SGK3: variants seen among roughly 807,000 people sequenced by gnomAD.
The protein encoded by SGK3 is serine/threonine-protein kinase Sgk3.
A neutral mutation model predicts 68.5 loss-of-function variants in SGK3; 47 were observed. The ratio of observed to expected loss-of-function variants is 0.69; its 90% confidence interval spans 0.54 to 0.87. The LOEUF is 0.87. SGK3 is among the 40% of genes least tolerant of loss of function. The pLI, the probability that SGK3 is intolerant of heterozygous loss-of-function variation, is 0.00. For synonymous variants in SGK3, 181 were observed against 189.1 expected (o/e 0.96, Z 0.35); for missense variants, 479 against 575.5 (o/e 0.83, Z 1.72).
intron 5 of SGK3, among the ~76,000 whole-genome samples, chr8:66,819,561 A>G (rs1171374805): frequency 6.6e-6 from 1 of 152,220 alleles, no homozygotes; most frequent in Non-Finnish European, 1.5e-5. Context: ...AGTTTTTAAC[A>G]AGATGGGGAA....
intron 1 of SGK3, among the ~76,000 whole-genome samples, chr8:66,719,440 C>T (rs1313116977): frequency 1.3e-5 from 2 of 152,120 alleles, no homozygotes; most frequent in Non-Finnish European, 2.9e-5. Flanking sequence ...AATCCTCCTG[C>T]CTTGGCCTCC....
At chr8:66,715,705 A>C (rs944195517) in intron 1 of SGK3, among the ~76,000 whole-genome samples, 1 of 152,194 alleles carries the variant, frequency 6.6e-6, no homozygotes, top group African/African-American at 2.4e-5. Context: ...ACACACACAA[A>C]ATTCCTCAAC....
Position 66,806,300 on chromosome 8 carries a change from T to C in SGK3, c.253+1853T>C, listed in dbSNP as rs575554979. On this transcript the variant is annotated intron_variant, in intron 4 of 16. Coordinates refer to ENST00000521198, the MANE Select transcript of SGK3 (RefSeq NM_001033578.3). ...GAAGGTGCAGACTTATGTCTTTTTT[T>C]ATTGGCGAACAGTGGCAATATACTG... is the stretch of plus-strand genomic sequence containing the variant. Among the ~76,000 whole-genome samples, 13 of 152,344 alleles carry C rather than the reference T, an allele frequency of 8.5e-5. No individual in the cohort carries two copies. The South Asian group carries it at 2.7e-3, about 32-fold the overall frequency.
intron 2 of SGK3, among the ~76,000 whole-genome samples, chr8:66,796,319 G>GTTTTTTT (rs1427904115): frequency 6.9e-5 from 1 of 14,416 alleles, no homozygotes; most frequent in Non-Finnish European, 1.6e-4. Context: ...TGTATTTTTT[G>GTTTTTTT]TATTTTTTTT....
intron 6 of SGK3, among the ~76,000 whole-genome samples, chr8:66,827,165 T>C (rs1333880192): frequency 1.3e-5 from 2 of 151,482 alleles, no homozygotes; most frequent in Non-Finnish European, 2.9e-5. Flanking sequence ...GTGGATCATC[T>C]GAGGTCAGGA....
At chr8:66,809,906 G>A (rs1808311641) in intron 4 of SGK3, among the ~76,000 whole-genome samples, 1 of 152,104 alleles carries the variant, frequency 6.6e-6, no homozygotes, top group African/African-American at 2.4e-5. Context: ...CTTCTTAAGG[G>A]GCTTTGCGTG....
At chr8:66,813,034 G>C (rs1808441263) in intron 4 of SGK3, among the ~76,000 whole-genome samples, 2 of 152,158 alleles carry the variant, frequency 1.3e-5, no homozygotes, top group South Asian at 4.1e-4. Flanking sequence ...AGGGTGGATT[G>C]CTTGAGCCCA....
chr8:66,722,283 CTTGTTTTTT>C (rs1398157783), intron 1 of SGK3, among the ~76,000 whole-genome samples: 9 of 152,014 alleles, frequency 5.9e-5, no homozygotes, highest in Admixed American at 5.9e-4. Context: ...TTTTGTTTTT[CTTGTTTTTT>C]GTTTTCTTGA....
At chr8:66,777,301 C>T (rs1054357777) in intron 1 of SGK3, among the ~76,000 whole-genome samples, 2 of 152,152 alleles carry the variant, frequency 1.3e-5, no homozygotes, top group Non-Finnish European at 1.5e-5. Context: ...GACATGAGAG[C>T]GTAAGTTCCA....
At chr8:66,796,283 C>A (rs1307606038) in intron 2 of SGK3, among the ~76,000 whole-genome samples, 1 of 145,976 alleles carries the variant, frequency 6.9e-6, no homozygotes, top group Non-Finnish European at 1.5e-5. Context: ...ACTACAGATG[C>A]ATGCCACCAC....
chr8:66,777,038 T>C (rs1266864503), intron 1 of SGK3, among the ~76,000 whole-genome samples: 1 of 152,204 alleles, frequency 6.6e-6, no homozygotes, highest in Non-Finnish European at 1.5e-5. Flanking sequence ...GAACCCTGAA[T>C]GCTCACCCAA....
intron 1 of SGK3, among the ~76,000 whole-genome samples, chr8:66,768,472 T>G (rs1037305415): frequency 2.0e-5 from 3 of 152,124 alleles, no homozygotes; most frequent in Non-Finnish European, 4.4e-5. Flanking sequence ...ATATCTTTGA[T>G]TTTGAAGGAT....
chr8:66,849,989 A>G (rs1321524220), intron 15 of SGK3, among the ~76,000 whole-genome samples: 1 of 152,234 alleles, frequency 6.6e-6, no homozygotes, highest in East Asian at 1.9e-4. Context: ...ATGGCTTCTT[A>G]TGACCCTAGA....
chr8:66,772,586 A>G (rs1806547070), intron 1 of SGK3, among the ~76,000 whole-genome samples: 1 of 140,386 alleles, frequency 7.1e-6, no homozygotes, highest in Non-Finnish European at 1.5e-5. Context: ...TTTGAGACAG[A>G]GTCTCGCTCT....
intron 1 of SGK3, among the ~76,000 whole-genome samples, chr8:66,744,519 A>ATTTTTT (rs55684607): frequency 9.4e-5 from 2 of 21,260 alleles, no homozygotes; most frequent in African/African-American, 3.3e-4. Context: ...ATATATATAT[A>ATTTTTT]TTTTTTTTTT....
intron 1 of SGK3, among the ~76,000 whole-genome samples, chr8:66,748,790 G>A (rs1805721704): frequency 6.6e-6 from 1 of 152,092 alleles, no homozygotes; most frequent in Admixed American, 6.6e-5. Context: ...TAAAAAGATG[G>A]TGGACTCATC....
intron 1 of SGK3, among the ~76,000 whole-genome samples, chr8:66,749,040 G>A (rs1805729941): frequency 6.6e-6 from 1 of 152,078 alleles, no homozygotes; most frequent in African/African-American, 2.4e-5. Flanking sequence ...GGGACTACAG[G>A]CGTGCATCAC....
rs184635397 is a variant in SGK3, at chr8:66,768,205, C to A, written c.-121-25411C>A. ...ATTTTACTGATACATTAGATATAAACCCACCATAAGTTATTACTATTCTTG... is the reference window on the plus strand; with the variant it reads ...ATTTTACTGATACATTAGATATAAAACCACCATAAGTTATTACTATTCTTG... On this transcript the variant is annotated intron_variant, in intron 1 of 16. Transcript: ENST00000521198. Among the ~76,000 whole-genome samples the A allele has an allele frequency of 2.4e-4, 36 of 152,194 alleles. No homozygotes were observed. In the East Asian group the frequency reaches 4.4e-3, roughly 19 times the overall value.
At chr8:66,848,493 GA>G (rs757694462) in intron 15 of SGK3, among the ~76,000 whole-genome samples, 21 of 152,092 alleles carry the variant, frequency 1.4e-4, no homozygotes, top group Non-Finnish European at 1.9e-4. Context: ...ATTTTGTAAG[GA>G]AAATAGAACC....
Sources: gnomAD v4.1 joint callset for allele counts (sites outside exome capture counted in the v4.1 genomes callset) on GRCh38, gnomAD v4.1.1 for gene constraint, MANE v1.5 for transcripts, NCBI Gene and HGNC (gene_info 2026-07-23, HGNC 2026-07-21) for gene names.